Variants in CSMD1 observed in about 807,000 individuals in gnomAD.
The protein encoded by CSMD1 is CUB and Sushi multiple domains 1.
Under a neutral mutation model 417.5 loss-of-function variants are expected in CSMD1, and 213 were observed. The ratio of observed to expected loss-of-function variants is 0.51; its 90% CI spans 0.46 to 0.57. The LOEUF (loss-of-function observed/expected upper bound fraction) is 0.57, where lower values mean the gene tolerates loss of function less well. Ranked by LOEUF, CSMD1 falls within the 20% of genes least tolerant of loss-of-function variation. CSMD1 has a pLI of 0.00. For synonymous variants in CSMD1, 2,862 were observed against 1,736.8 expected (o/e 1.65, Z -16.11); for missense variants, 6,923 against 4,529.7 (o/e 1.53, Z -15.17).
intron 3 of CSMD1, among the ~76,000 whole-genome samples, chr8:4,254,996 A>G (rs1463183889): frequency 6.6e-6 from 1 of 152,232 alleles, no homozygotes; most frequent in Non-Finnish European, 1.5e-5. Context: ...AATCCAGAAG[A>G]TCACTCAGAG....
intron 1 of CSMD1, among the ~76,000 whole-genome samples, chr8:4,667,692 T>C (rs931807182): frequency 6.6e-6 from 1 of 152,218 alleles, no homozygotes; most frequent in Non-Finnish European, 1.5e-5. Context: ...ATTCAATGGA[T>C]TTTTAAAATA....
intron 3 of CSMD1, among the ~76,000 whole-genome samples, chr8:4,054,439 G>A (rs1798589265): frequency 6.6e-6 from 1 of 152,106 alleles, no homozygotes; most frequent in Admixed American, 6.5e-5. Flanking sequence ...ACTCTTGTAT[G>A]GGAGAGAAGC....
intron 2 of CSMD1, among the ~76,000 whole-genome samples, chr8:4,465,284 G>A (rs1585122505): frequency 1.3e-5 from 2 of 152,106 alleles, no homozygotes; most frequent in African/African-American, 2.4e-5. Flanking sequence ...TGACCCAGGT[G>A]CTAACCCAGA....
At chr8:4,222,662 C>T (rs1057012953) in intron 3 of CSMD1, among the ~76,000 whole-genome samples, 4 of 152,142 alleles carry the variant, frequency 2.6e-5, no homozygotes, top group Non-Finnish European at 4.4e-5. Context: ...ACGGCAGATG[C>T]CAAATTCAGT....
At chr8:4,427,714 A>G (rs1007546025) in intron 2 of CSMD1, among the ~76,000 whole-genome samples, 3 of 152,186 alleles carry the variant, frequency 2.0e-5, no homozygotes, top group Admixed American at 6.5e-5. Context: ...TCTATTCAGC[A>G]TATCACTAAT....
chr8:3,529,927 A>G (rs1797908432), intron 10 of CSMD1, among the ~76,000 whole-genome samples: 1 of 152,226 alleles, frequency 6.6e-6, no homozygotes, highest in Admixed American at 6.5e-5. Context: ...CATAGAATCA[A>G]CATTTGTAAA....
intron 2 of CSMD1, among the ~76,000 whole-genome samples, chr8:4,450,749 G>C (rs979288120): frequency 7.2e-5 from 11 of 152,174 alleles, no homozygotes; most frequent in African/African-American, 2.7e-4. Context: ...CAACAAAACA[G>C]CGGTCTCTTC....
chr8:4,375,776 T>G (rs1042755039), intron 3 of CSMD1, among the ~76,000 whole-genome samples: 2 of 152,238 alleles, frequency 1.3e-5, no homozygotes, highest in African/African-American at 2.4e-5. Context: ...TACAGTGATT[T>G]CCCCCTCTTC....
intron 10 of CSMD1, among the ~76,000 whole-genome samples, chr8:3,497,042 C>G (rs988721036): frequency 6.6e-6 from 1 of 152,146 alleles, no homozygotes; most frequent in African/African-American, 2.4e-5. Flanking sequence ...TTTGTTGACC[C>G]TTGTTTTGTG....
At chr8:3,168,981 C>T (rs79754387) in intron 37 of CSMD1, among the ~76,000 whole-genome samples, 3 of 152,128 alleles carry the variant, frequency 2.0e-5, no homozygotes, top group African/African-American at 7.2e-5. Context: ...TGCAGAGAAA[C>T]TCTGCAGTGA....
At chr8:4,145,460 A>T (rs1804055120) in intron 3 of CSMD1, among the ~76,000 whole-genome samples, 1 of 151,182 alleles carries the variant, frequency 6.6e-6, no homozygotes, top group South Asian at 2.1e-4. Flanking sequence ...TATTTTTTGT[A>T]TTGAAATATA....
chr8:3,714,748 A>G (rs78482814), intron 6 of CSMD1, among the ~76,000 whole-genome samples: 1 of 151,898 alleles, frequency 6.6e-6, no homozygotes, highest in Non-Finnish European at 1.5e-5. Flanking sequence ...TCTCAAAAAA[A>G]CAACAACACA....
intron 10 of CSMD1, among the ~76,000 whole-genome samples, chr8:3,543,805 A>G (rs890425038): frequency 3.9e-5 from 6 of 152,280 alleles, no homozygotes; most frequent in African/African-American, 1.4e-4. Flanking sequence ...CTGAGTTCAG[A>G]GTCTGAATAG....
At chr8:3,442,528 G>GC (rs1815051670) in intron 12 of CSMD1, among the ~76,000 whole-genome samples, 1 of 152,158 alleles carries the variant, frequency 6.6e-6, no homozygotes, top group South Asian at 2.1e-4. Flanking sequence ...ACAATTGCCT[G>GC]TAGTATTACA....
chr8:3,514,729 T>C (rs1329087909), intron 10 of CSMD1, among the ~76,000 whole-genome samples: 1 of 152,192 alleles, frequency 6.6e-6, no homozygotes, highest in African/African-American at 2.4e-5. Context: ...ATATTAATAC[T>C]ATTTTTTCAG....
chr8:4,913,732 T>G (rs1303364556), intron 1 of CSMD1, among the ~76,000 whole-genome samples: 1 of 152,202 alleles, frequency 6.6e-6, no homozygotes, highest in African/African-American at 2.4e-5. Context: ...TTGACAAATC[T>G]GCAAGCGAGG....
intron 3 of CSMD1, among the ~76,000 whole-genome samples, chr8:4,097,594 T>C (rs1328105534): frequency 3.3e-5 from 5 of 152,342 alleles, no homozygotes; most frequent in South Asian, 2.1e-4. Flanking sequence ...AACACCCAGA[T>C]TGATTAGCTT....
intron 5 of CSMD1, among the ~76,000 whole-genome samples, chr8:3,872,839 C>CAAAAAAAAAAA (rs59622954): frequency 7.6e-6 from 1 of 131,362 alleles, no homozygotes. Context: ...AAGACAGCTC[C>CAAAAAAAAAAA]AAAAAAAAAA....
chr8:3,940,372 G>C (rs963579793), intron 5 of CSMD1, among the ~76,000 whole-genome samples: 5 of 151,928 alleles, frequency 3.3e-5, no homozygotes, highest in Non-Finnish European at 5.9e-5. Flanking sequence ...AAAACAGTAT[G>C]TTATTTTGAA....
Sources: allele counts gnomAD v4.1 joint callset (sites outside exome capture counted in the v4.1 genomes callset), GRCh38; gene constraint gnomAD v4.1.1; transcripts MANE v1.5; gene names NCBI Gene and HGNC (gene_info 2026-07-23, HGNC 2026-07-21).